The following PTDSS1 variants were observed in gnomAD, a reference collection of about 807,000 sequenced individuals.
The protein encoded by PTDSS1 is PSS-1.
In PTDSS1, 45 loss-of-function variants were observed where a neutral mutation model predicts 70.5. The observed-to-expected ratio is 0.64, with a 90% CI of 0.50 to 0.82. The LOEUF (loss-of-function observed/expected upper bound fraction) is 0.82, where lower values mean the gene tolerates loss of function less well. PTDSS1 is among the 40% of genes least tolerant of loss of function. PTDSS1 has a pLI of 0.00. For missense variants in PTDSS1, 417 were observed against 586.1 expected (o/e 0.71, Z 2.98); for synonymous variants, 188 against 203.8 (o/e 0.92, Z 0.66).
In PTDSS1 at chr8:96,335,863, A is replaced by G. The variant is rs996303068; in HGVS notation, c.*2297A>G. ...GAAATAGAATGCGTGTTTCAGAATC[A>G]TCATTCAATATCTGAAATGATTTGA... is the stretch of plus-strand genomic sequence containing the variant. On this transcript the variant is annotated 3_prime_UTR_variant, in exon 13 of 13. Coordinates refer to ENST00000517309, the MANE Select transcript of PTDSS1 (RefSeq NM_014754.3). 3 of 152,228 alleles carry G rather than the reference A, an allele frequency of 2.0e-5. No individual in the cohort carries two copies. The highest frequency in any genetic ancestry group is 6.5e-5 in the Admixed American group (1 of 15,288). 9.4% of individuals were successfully genotyped at this position (152,228 alleles called of 1,614,324 possible).
At position 96,331,003 on chromosome 8, in the gene PTDSS1, A is replaced by G. The variant is rs1225089962; in HGVS notation, c.1243-23A>G. 4 of 1,600,510 alleles carry G rather than the reference A, an allele frequency of 2.5e-6. No homozygotes were observed. The South Asian group carries it at 3.3e-5, about 13-fold the overall frequency. On this transcript the variant is annotated intron_variant, in intron 11 of 12. Transcript: ENST00000517309. ...CCCAGGGAGTTCCTAAAATTCCTGC[A>G]CTAAGCCTGTCTCTCTCCCTAGACC... is the stretch of plus-strand genomic sequence containing the variant.
intron 2 of PTDSS1, among the ~76,000 whole-genome samples, chr8:96,279,690 A>G (rs1293180643): frequency 6.6e-6 from 1 of 152,016 alleles, no homozygotes; most frequent in African/African-American, 2.4e-5. Flanking sequence ...GGGGTGGCAC[A>G]TGCCTGTAAT....
chr8:96,274,270 C>T (rs1335165380), intron 2 of PTDSS1, among the ~76,000 whole-genome samples: 1 of 152,068 alleles, frequency 6.6e-6, no homozygotes, highest in African/African-American at 2.4e-5. Context: ...TTTGTAACCG[C>T]TCATGCTATT....
rs778259037 is a variant in PTDSS1, at chr8:96,331,016, C to T, written c.1243-10C>T. On this transcript the variant is annotated splice_polypyrimidine_tract_variant and intron_variant, in intron 11 of 12. Coordinates refer to ENST00000517309, the MANE Select transcript of PTDSS1 (RefSeq NM_014754.3). ...TAAAATTCCTGCACTAAGCCTGTCTCTCTCCCTAGACCTACTCGGAGTGTG... is the reference window on the plus strand; with the variant it reads ...TAAAATTCCTGCACTAAGCCTGTCTTTCTCCCTAGACCTACTCGGAGTGTG... The T allele has an allele frequency of 6.2e-7, 1 of 1,610,594 alleles. No individual in the cohort carries two copies. Among genetic ancestry groups the T allele is most frequent in the Non-Finnish European group, 8.5e-7 (1 of 1,177,132 alleles).
In PTDSS1 at chr8:96,306,556, G is replaced by A; in HGVS notation, c.1007G>A (p.Arg336Lys). ...GGTGGCATCACAGCTCCCACAGTGA[G>A]GTAATTCTGCACAAGCCTGACTGTC... is the stretch of plus-strand genomic sequence containing the variant. ...FIGGITAPTV[R>K]QYYAYLTDTQ... Residue 336 changes from arginine (R) to lysine (K), a missense_variant and splice_region_variant, in exon 8 of 13, where the codon AGA (arginine) becomes AAA (lysine). Around this residue, in one of 3 missense-constraint regions of PTDSS1, gnomAD observed 272 missense variants for 429.5 expected, o/e 0.63. Transcript: ENST00000517309. 2 of 1,600,714 alleles carry A rather than the reference G, an allele frequency of 1.2e-6. No individual in the cohort carries two copies. The highest frequency in any genetic ancestry group is 1.7e-6 in the Non-Finnish European group (2 of 1,167,822).
intron 4 of PTDSS1, among the ~76,000 whole-genome samples, chr8:96,291,330 G>T (rs1224356791): frequency 1.3e-5 from 2 of 152,068 alleles, no homozygotes; most frequent in African/African-American, 4.8e-5. Flanking sequence ...ATAACTTCAT[G>T]TACCCATCAC....
At chr8:96,328,026 C>T (rs1811462406) in intron 10 of PTDSS1, among the ~76,000 whole-genome samples, 1 of 152,186 alleles carries the variant, frequency 6.6e-6, no homozygotes, top group Non-Finnish European at 1.5e-5. Context: ...GCAATCACAA[C>T]AGACCCTTTG....
intron 5 of PTDSS1, among the ~76,000 whole-genome samples, chr8:96,297,923 A>G (rs1382159572): frequency 6.6e-6 from 1 of 152,252 alleles, no homozygotes; most frequent in African/African-American, 2.4e-5. Flanking sequence ...AGTGAATGAA[A>G]GAATGCAGCC....
chr8:96,327,396 C>T (rs1811453228), intron 10 of PTDSS1, among the ~76,000 whole-genome samples: 1 of 152,060 alleles, frequency 6.6e-6, no homozygotes, highest in Non-Finnish European at 1.5e-5. Context: ...CGAAAAGAGG[C>T]CCTGAGACAG....
At chr8:96,322,482 A>T (rs1563583999) in intron 10 of PTDSS1, among the ~76,000 whole-genome samples, 1 of 152,034 alleles carries the variant, frequency 6.6e-6, no homozygotes, top group Non-Finnish European at 1.5e-5. Flanking sequence ...TCCCACGATC[A>T]CTAAATCACT....
intron 4 of PTDSS1, among the ~76,000 whole-genome samples, chr8:96,293,572 T>G (rs1810935857): frequency 6.6e-6 from 1 of 152,236 alleles, no homozygotes; most frequent in South Asian, 2.1e-4. Context: ...CTGTGGCCCT[T>G]CCAGGACAAG....
At chr8:96,281,555 G>A (rs1295612896) in intron 2 of PTDSS1, among the ~76,000 whole-genome samples, 1 of 152,108 alleles carries the variant, frequency 6.6e-6, no homozygotes, top group African/African-American at 2.4e-5. Context: ...TGCTTTTCCT[G>A]AGCCTACTTA....
intron 1 of PTDSS1, among the ~76,000 whole-genome samples, chr8:96,264,663 CTAGGTCCTTTCAAAA>C (rs1372904565): frequency 6.6e-6 from 1 of 152,084 alleles, no homozygotes; most frequent in Admixed American, 6.5e-5. Context: ...TAATATTATT[CTAGGTCCTTTCAAAA>C]TAGGTTTCTC....
intron 9 of PTDSS1, among the ~76,000 whole-genome samples, chr8:96,313,332 A>G (rs908223182): frequency 3.3e-5 from 5 of 152,202 alleles, no homozygotes; most frequent in African/African-American, 9.6e-5. Flanking sequence ...ACAGAGAGAA[A>G]GCAGCCGTGT....
intron 9 of PTDSS1, among the ~76,000 whole-genome samples, chr8:96,317,082 TGGAGAGAGAGAGAGAC>T (rs1811303032): frequency 1.3e-5 from 2 of 151,548 alleles, no homozygotes; most frequent in African/African-American, 4.9e-5. Flanking sequence ...TATATATATA[TGGAGAGAGAGAGAGAC>T]AGAGAGAGAG....
rs13276829 is a variant in PTDSS1 at position 96,262,762 on chromosome 8, G to A, written c.179+543G>A. Reference sequence around the variant, plus strand: ...CGCACAAAAAATGCACATGTGTGCTGCATACACGGTCTTTCCTGTGCAGCA... The same window carrying A: ...CGCACAAAAAATGCACATGTGTGCTACATACACGGTCTTTCCTGTGCAGCA... On this transcript the variant is annotated intron_variant, in intron 1 of 12. Coordinates refer to ENST00000517309, the MANE Select transcript of PTDSS1 (RefSeq NM_014754.3). The surrounding 1 kb of genome is among the most constrained non-coding windows in gnomAD (Gnocchi z 4.4). Among the ~76,000 whole-genome samples the A allele has an allele frequency of 0.56, 84,559 of 152,086 alleles. 25,720 individuals carry two copies. The highest frequency in any genetic ancestry group is 0.81 in the African/African-American group (33,773 of 41,474).
At chr8:96,314,337 G>A (rs900579207) in intron 9 of PTDSS1, among the ~76,000 whole-genome samples, 3 of 152,052 alleles carry the variant, frequency 2.0e-5, no homozygotes, top group Non-Finnish European at 2.9e-5. Context: ...ATTGGCCACG[G>A]CACGCAGCCT....
At chr8:96,286,047 G>T (rs1209911277) in intron 3 of PTDSS1, among the ~76,000 whole-genome samples, 1 of 152,144 alleles carries the variant, frequency 6.6e-6, no homozygotes, top group Non-Finnish European at 1.5e-5. Context: ...CAGGAGAGGG[G>T]TGCCTGTTAG....
rs2271775 is a variant in PTDSS1 at position 96,330,948 on chromosome 8, G to T, written c.1243-78G>T. The stretch of plus-strand genomic sequence containing the variant: ...CCAGCCTGGGAGAGGCAGGGATGCA[G>T]CATGCTCGCCTTTTTGCCCTGCCAC... On this transcript the variant is annotated intron_variant, in intron 11 of 12. Transcript: ENST00000517309. The T allele has an allele frequency of 0.47, 581,608 of 1,246,154 alleles. 138,838 individuals are homozygous for T. Among genetic ancestry groups the T allele is most frequent in the East Asian group, 0.63 (26,799 of 42,828 alleles). The allele number at this position is 1,246,154 out of a possible 1,614,324, so 77.2% of individuals were successfully genotyped here. A position where few individuals can be genotyped will look rare whatever the true frequency, so the allele number is the denominator to read the frequency against.
Sources: allele counts gnomAD v4.1 joint callset (sites outside exome capture counted in the v4.1 genomes callset), GRCh38; gene constraint gnomAD v4.1.1; regional missense constraint gnomAD v4.1.1; non-coding constraint Gnocchi (gnomAD v3.1); transcripts MANE v1.5; gene names NCBI Gene and HGNC (gene_info 2026-07-23, HGNC 2026-07-21).